Variants in ANOS1 observed in about 807,000 individuals in gnomAD.
ANOS1 encodes anosmin-1.
ANOS1 carries 6 observed loss-of-function variants against 59.0 expected under a neutral mutation model. The observed-to-expected ratio is 0.10, with a 90% CI of 0.06 to 0.20. ANOS1 has a LOEUF of 0.20. Among genes scored for constraint, ANOS1 ranks in the 10% least tolerant of loss-of-function variants. The pLI is 1.00. For synonymous variants in ANOS1, 217 were observed against 223.4 expected (o/e 0.97, Z 0.25); for missense variants, 433 against 542.3 (o/e 0.80, Z 2.00).
At chrX:8,539,593 C>T (rs34116248) in intron 10 of ANOS1, 71 bp downstream of exon 10, 1 of 1,202,567 alleles carries the variant, frequency 8.3e-7, no homozygotes, top group African/African-American at 1.8e-5. Flanking sequence ...TCTGTTTGAC[C>T]TGTCTAGTTT....
In ANOS1 at chrX:8,593,028, C is replaced by T. The variant is rs765287400; in HGVS notation, c.541+4006G>A. ...ATAAAACCAGTACTTTCTATCTTCCCTTCCACAAACACAGCAGACCAAACA... is the reference window on the plus strand; with the variant it reads ...ATAAAACCAGTACTTTCTATCTTCCTTTCCACAAACACAGCAGACCAAACA... On this transcript the variant is annotated intron_variant, in intron 4 of 13. Transcript: ENST00000262648. Among the ~76,000 whole-genome samples the T allele has an allele frequency of 6.3e-5, 7 of 111,709 alleles. No individual in the cohort carries two copies. In the South Asian group the frequency reaches 2.6e-3, roughly 42 times the overall value.
intron 2 of ANOS1, among the ~76,000 whole-genome samples, chrX:8,677,106 G>A: frequency 9.0e-6 from 1 of 111,504 alleles, no homozygotes. Context: ...AGGACACTCA[G>A]CACGTGAAAT....
intron 9 of ANOS1, among the ~76,000 whole-genome samples, chrX:8,553,182 C>T (rs145892814): frequency 0.049 from 5,278 of 107,626 alleles, 322 homozygotes; most frequent in African/African-American, 0.17. Flanking sequence ...ACCTTGATAA[C>T]AGAAAAACAA....
rs140358811 is a variant in ANOS1, at chrX:8,580,822, C to A, written c.856+4445G>T. Among the ~76,000 whole-genome samples the A allele has an allele frequency of 3.0e-3, 338 of 111,443 alleles. 2 individuals are homozygous for A. Among genetic ancestry groups the A allele is most frequent in the African/African-American group, 9.9e-3 (304 of 30,637 alleles). ...AAAATAAAAATAAAAACCCTTCCTG[C>A]TTTCCTTGACCCAGCCTTAAGTTAT... On this transcript the variant is annotated intron_variant, in intron 6 of 13. Transcript: ENST00000262648.
chrX:8,702,017 C>T (rs1461216881), intron 1 of ANOS1, among the ~76,000 whole-genome samples: 1 of 111,430 alleles, frequency 9.0e-6, no homozygotes, highest in Non-Finnish European at 1.9e-5. Context: ...GGATTTTAGC[C>T]AGCCTTAACT....
chrX:8,674,651 T>C (rs1472894490), intron 2 of ANOS1, among the ~76,000 whole-genome samples: 2 of 112,388 alleles, frequency 1.8e-5, no homozygotes, highest in African/African-American at 6.5e-5. Flanking sequence ...CAAATTTGTG[T>C]TGGGCCGCAT....
chrX:8,692,678 G>A (rs1442443646), intron 2 of ANOS1, among the ~76,000 whole-genome samples: 1 of 111,511 alleles, frequency 9.0e-6, no homozygotes, highest in Non-Finnish European at 1.9e-5. Flanking sequence ...CATCTCTGAA[G>A]ATGAAGGGTC....
rs191800698 is a variant in ANOS1 at position 8,721,108 on chromosome X, T to A, written c.207+10722A>T. Among the ~76,000 whole-genome samples the A allele has an allele frequency of 4.2e-3, 466 of 111,522 alleles. 2 individuals are homozygous for A. The highest frequency in any genetic ancestry group is 0.015 in the African/African-American group (446 of 30,655). ...ACCAGTCGGGATGGTGTTGATGGAC[T>A]GATATTTTTCAAGCCATTTTCTATC... On this transcript the variant is annotated intron_variant, in intron 1 of 13. Coordinates refer to ENST00000262648, the MANE Select transcript of ANOS1 (RefSeq NM_000216.4).
chrX:8,699,934 C>T (rs1172448164), intron 1 of ANOS1, among the ~76,000 whole-genome samples, 189 bp from the exon 2 acceptor site: 1 of 111,930 alleles, frequency 8.9e-6, no homozygotes, highest in Non-Finnish European at 1.9e-5. Flanking sequence ...ATTTTGTTGT[C>T]GATTTCATGA....
intron 2 of ANOS1, among the ~76,000 whole-genome samples, chrX:8,677,025 C>A (rs1292714929): frequency 8.9e-6 from 1 of 112,009 alleles, no homozygotes; most frequent in African/African-American, 3.2e-5. Context: ...CCTGATAGAA[C>A]CAAATGTCAG....
Position 8,568,303 on chromosome X carries a change from T to C in ANOS1, c.1136A>G (p.Tyr379Cys). 8.3e-7 allele frequency: 1 copy of C among 1,209,598 alleles called. No individual in the cohort carries two copies. Among genetic ancestry groups the C allele is most frequent in the Non-Finnish European group, 1.1e-6 (1 of 893,592 alleles). ...ACTCTTCAGCCGTGTCTGTCCCCAG[T>C]ACGTTATGGCTTGCAATTCCACAAC... ...DYVVELQAIT[Y>C]WGQTRLKSAK... is the part of the protein sequence containing the mutation. Residue 379 changes from tyrosine (Y) to cysteine (C), a missense_variant, in exon 8 of 14, where the codon TAC (tyrosine) becomes TGC (cysteine). Transcript: ENST00000262648.
chrX:8,664,526 C>A (rs1321804004), intron 2 of ANOS1, among the ~76,000 whole-genome samples: 2 of 109,980 alleles, frequency 1.8e-5, no homozygotes, highest in Non-Finnish European at 3.8e-5. Flanking sequence ...TACTTTGTAG[C>A]CTCTGGAACA....
rs779753467 is a variant in ANOS1 at position 8,587,886 on chromosome X, T to A, written c.634A>T (p.Ile212Phe). 2.5e-6 allele frequency: 3 copies of A among 1,207,297 alleles called. No homozygotes were observed. The East Asian group carries it at 8.9e-5, about 36-fold the overall frequency. The change falls in exon 5 of 14, where the codon ATT (isoleucine) becomes TTT (phenylalanine). Residue 212 changes from isoleucine to phenylalanine, a missense_variant. Transcript: ENST00000262648. ...VKWSSKFNIS[I>F]EPVIYVVQRR... ...TGTACCACATAGATCACAGGCTCAA[T>A]AGAAATATTGAATTTCGAGGACCAC...
At chrX:8,605,504 A>G (rs1196569304) in intron 3 of ANOS1, among the ~76,000 whole-genome samples, 1 of 110,314 alleles carries the variant, frequency 9.1e-6, no homozygotes, top group Non-Finnish European at 1.9e-5. Context: ...TCTCCTAAAA[A>G]TACAAAAATT....
intron 2 of ANOS1, among the ~76,000 whole-genome samples, chrX:8,661,380 C>T (rs1040179801): frequency 5.6e-4 from 63 of 111,858 alleles, no homozygotes; most frequent in African/African-American, 2.0e-3. Context: ...TGTGTCCTCA[C>T]CAGGTCATCC....
At chrX:8,563,783 T>C (rs1930068869) in intron 8 of ANOS1, among the ~76,000 whole-genome samples, 1 of 111,940 alleles carries the variant, frequency 8.9e-6, no homozygotes, top group Non-Finnish European at 1.9e-5. Flanking sequence ...CTGAAATAAT[T>C]GCAGGACCTA....
At chrX:8,555,840 T>C (rs995882600) in intron 8 of ANOS1, among the ~76,000 whole-genome samples, 1 of 112,583 alleles carries the variant, frequency 8.9e-6, no homozygotes, top group African/African-American at 3.2e-5. Flanking sequence ...CCTAACTCAT[T>C]TTATGAGGTC....
chrX:8,594,728 ATATATATGTG>A (rs1930699593), intron 4 of ANOS1, among the ~76,000 whole-genome samples: 1 of 82,777 alleles, frequency 1.2e-5, no homozygotes, highest in African/African-American at 4.6e-5. Context: ...ATATATCTAC[ATATATATGTG>A]TATATATATA....
intron 6 of ANOS1, among the ~76,000 whole-genome samples, chrX:8,583,602 C>T (rs1930461431): frequency 9.0e-6 from 1 of 111,583 alleles, no homozygotes; most frequent in Admixed American, 9.5e-5. Context: ...CATTCTAGGA[C>T]TCATCTTCAC....
Sources: allele counts gnomAD v4.1 joint callset (sites outside exome capture counted in the v4.1 genomes callset), GRCh38; gene constraint gnomAD v4.1.1; transcripts MANE v1.5; gene names NCBI Gene and HGNC (gene_info 2026-07-23, HGNC 2026-07-21).